The following LRRC37A2 variants were observed in gnomAD, a reference collection of about 807,000 sequenced individuals.
LRRC37A2 encodes the protein leucine-rich repeat-containing protein 37A2.
Under a neutral mutation model 68.8 loss-of-function variants are expected in LRRC37A2, and 9 were observed. The ratio of observed to expected loss-of-function variants is 0.13; its 90% CI spans 0.08 to 0.23. The LOEUF (loss-of-function observed/expected upper bound fraction) is 0.23, where lower values mean the gene tolerates loss of function less well. LRRC37A2 is among the 10% of genes least tolerant of loss of function. The probability of loss-of-function intolerance (pLI) is 1.00; values close to 1 mark genes in which losing one functional copy is unlikely to be tolerated. For synonymous variants in LRRC37A2, 63 were observed against 367.6 expected (o/e 0.17, Z 9.48); for missense variants, 168 against 950.4 (o/e 0.18, Z 10.82).
At chr17:46,812,489 T>G in the LRRC37A2 span, among the ~76,000 whole-genome samples, 1 of 152,110 alleles carries the variant, frequency 6.6e-6, no homozygotes. Context: ...CCACTCCCCC[T>G]GGGAAGCCTG....
the LRRC37A2 span, among the ~76,000 whole-genome samples, chr17:46,945,914 T>C: frequency 6.6e-6 from 1 of 152,312 alleles, no homozygotes; most frequent in South Asian, 2.1e-4. Flanking sequence ...GCTATGTGCA[T>C]GGAGTGGGTA....
chr17:46,744,926 A>G, the LRRC37A2 span, among the ~76,000 whole-genome samples: 3 of 152,180 alleles, frequency 2.0e-5, no homozygotes, highest in Admixed American at 2.0e-4. Flanking sequence ...TCATAATCCG[A>G]TTGGCAGATA....
At chr17:46,741,923 G>A in the LRRC37A2 span, among the ~76,000 whole-genome samples, 1 of 152,126 alleles carries the variant, frequency 6.6e-6, no homozygotes, top group Non-Finnish European at 1.5e-5. Context: ...GTGCCACCAC[G>A]CCTGGCTAAT....
At chr17:46,535,170 C>T (rs1219634693) in intron 6 of LRRC37A2, among the ~76,000 whole-genome samples, 1 of 149,204 alleles carries the variant, frequency 6.7e-6, no homozygotes, top group African/African-American at 2.6e-5. Context: ...ACTGGGAGTA[C>T]AGGTGTGAGC....
At chr17:46,724,748 A>C in the LRRC37A2 span, among the ~76,000 whole-genome samples, 1 of 152,196 alleles carries the variant, frequency 6.6e-6, no homozygotes, top group Non-Finnish European at 1.5e-5. Flanking sequence ...TGCTTGATAC[A>C]TAATAAGAAT....
the LRRC37A2 span, among the ~76,000 whole-genome samples, chr17:46,919,641 C>A: frequency 6.6e-6 from 1 of 152,130 alleles, no homozygotes; most frequent in African/African-American, 2.4e-5. Flanking sequence ...TAAAGAAAAA[C>A]CCAATCTGAC....
At chr17:46,771,098 CG>C in the LRRC37A2 span, among the ~76,000 whole-genome samples, 1 of 152,180 alleles carries the variant, frequency 6.6e-6, no homozygotes, top group African/African-American at 2.4e-5. Context: ...GAAGGAAGCC[CG>C]GGACCCCTCT....
At chr17:46,872,971 T>C in the LRRC37A2 span, among the ~76,000 whole-genome samples, 1 of 151,876 alleles carries the variant, frequency 6.6e-6, no homozygotes, top group Non-Finnish European at 1.5e-5. Flanking sequence ...TGGCCCAGCC[T>C]CAGGTTTGGG....
At chr17:46,774,516 T>C in the LRRC37A2 span, among the ~76,000 whole-genome samples, 1 of 152,236 alleles carries the variant, frequency 6.6e-6, no homozygotes, top group Non-Finnish European at 1.5e-5. Context: ...TCCAGTTTCC[T>C]AGAAGTTTCT....
the LRRC37A2 span, among the ~76,000 whole-genome samples, chr17:46,982,922 G>A: frequency 6.6e-6 from 1 of 152,214 alleles, no homozygotes; most frequent in Non-Finnish European, 1.5e-5. Context: ...CTTCAGGTAC[G>A]TCCTGTTGGT....
At chr17:46,544,878 GTCT>G (rs1467962957) in intron 8 of LRRC37A2, among the ~76,000 whole-genome samples, 2 of 135,644 alleles carry the variant, frequency 1.5e-5, no homozygotes, top group African/African-American at 2.9e-5. Context: ...TGCATGTCAT[GTCT>G]TCATTTCCTT....
chr17:46,724,548 G>A, the LRRC37A2 span, among the ~76,000 whole-genome samples: 1 of 152,144 alleles, frequency 6.6e-6, no homozygotes, highest in Non-Finnish European at 1.5e-5. Context: ...AAGCCCCATA[G>A]TTATGCCTAA....
the LRRC37A2 span, chr17:46,940,037 C>G: frequency 6.3e-4 from 666 of 1,049,936 alleles, 7 homozygotes; most frequent in South Asian, 0.021. Context: ...TTTGGTTGTC[C>G]TGCCCTACCT....
the LRRC37A2 span, among the ~76,000 whole-genome samples, chr17:46,848,113 T>C: frequency 6.6e-6 from 1 of 152,048 alleles, no homozygotes; most frequent in Non-Finnish European, 1.5e-5. Context: ...TTCTCTTGCA[T>C]ACCTGTGTGA....
the LRRC37A2 span, chr17:46,693,026 A>G: frequency 6.2e-7 from 1 of 1,611,486 alleles, no homozygotes; most frequent in Non-Finnish European, 8.5e-7. Flanking sequence ...GTTGCTGTCC[A>G]AAATTGATGG....
the LRRC37A2 span, among the ~76,000 whole-genome samples, chr17:46,977,430 C>G: frequency 6.6e-6 from 1 of 152,222 alleles, no homozygotes; most frequent in African/African-American, 2.4e-5. Flanking sequence ...CCCCAGGTCC[C>G]CCTGTCCCCA....
the LRRC37A2 span, chr17:46,931,995 A>G: frequency 1.4e-6 from 2 of 1,395,248 alleles, no homozygotes; most frequent in South Asian, 1.2e-5. Flanking sequence ...TTTCCTCAGT[A>G]CAAAGCCTGG....
chr17:47,014,782 G>A, the LRRC37A2 span, among the ~76,000 whole-genome samples: 647 of 152,124 alleles, frequency 4.3e-3, 4 homozygotes, highest in Admixed American at 0.01. Context: ...GAATGATTGC[G>A]CTACAGCTTT....
At chr17:46,762,409 G>C in the LRRC37A2 span, 3 of 151,620 alleles carry the variant, frequency 2.0e-5, no homozygotes, top group Non-Finnish European at 2.9e-5. Context: ...ACCTTCACTT[G>C]GTCATTTAAT....
Sources: gnomAD v4.1 joint callset for allele counts (sites outside exome capture counted in the v4.1 genomes callset) on GRCh38, gnomAD v4.1.1 for gene constraint, MANE v1.5 for transcripts, NCBI Gene and HGNC (gene_info 2026-07-23, HGNC 2026-07-21) for gene names.